The following XKR6 variants were observed in gnomAD, a reference collection of about 807,000 sequenced individuals.
The protein encoded by XKR6 is XK related 6.
Under a neutral mutation model 56.7 loss-of-function variants are expected in XKR6, and 22 were observed. The observed-to-expected ratio is 0.39, with a 90% CI of 0.28 to 0.55. XKR6 has a LOEUF of 0.55. Ranked by LOEUF, XKR6 falls within the 20% of genes least tolerant of loss-of-function variation. XKR6 has a pLI of 0.66. For missense variants in XKR6, 852 were observed against 889.0 expected (o/e 0.96, Z 0.53); for synonymous variants, 524 against 387.8 (o/e 1.35, Z -4.13).
chr8:11,044,409 C>T (rs1028138490), intron 1 of XKR6, among the ~76,000 whole-genome samples: 3 of 152,172 alleles, frequency 2.0e-5, no homozygotes, highest in African/African-American at 7.2e-5. Context: ...TGGTTTTCAA[C>T]CAGTGGTTGC....
At chr8:10,942,017 G>A (rs1801399021) in intron 1 of XKR6, among the ~76,000 whole-genome samples, 1 of 152,168 alleles carries the variant, frequency 6.6e-6, no homozygotes, top group African/African-American at 2.4e-5. Flanking sequence ...GCTTTTCTCT[G>A]AAGCTGATAA....
intron 1 of XKR6, among the ~76,000 whole-genome samples, chr8:10,932,654 C>A: frequency 7.4e-6 from 1 of 135,954 alleles, no homozygotes; most frequent in Non-Finnish European, 1.6e-5. Flanking sequence ...CAATTCCCAC[C>A]TATGAGTGAG....
chr8:11,105,512 G>C (rs1389642687), intron 1 of XKR6: 1 of 152,112 alleles, frequency 6.6e-6, no homozygotes, highest in East Asian at 1.9e-4. Flanking sequence ...TCAAGAAGGG[G>C]GTCTCCCCTC....
At chr8:11,147,508 T>G (rs1196417879) in intron 1 of XKR6, among the ~76,000 whole-genome samples, 1 of 151,718 alleles carries the variant, frequency 6.6e-6, no homozygotes, top group African/African-American at 2.4e-5. Context: ...ATACAAAAAT[T>G]AGCTGGGTGT....
chr8:10,982,295 G>C (rs909264166), intron 1 of XKR6, among the ~76,000 whole-genome samples: 7 of 152,186 alleles, frequency 4.6e-5, no homozygotes, highest in Non-Finnish European at 8.8e-5. Context: ...GAAAGATACG[G>C]TTTCTCAAGA....
intron 1 of XKR6, chr8:11,108,569 A>T: frequency 2.9e-6 from 1 of 340,988 alleles, no homozygotes; most frequent in Non-Finnish European, 5.7e-6. Context: ...AGTGCCTTGG[A>T]CTCTATTTCT....
chr8:10,995,446 A>AAT (rs927799746), intron 1 of XKR6, among the ~76,000 whole-genome samples: 2 of 147,460 alleles, frequency 1.4e-5, no homozygotes, highest in South Asian at 2.1e-4. Flanking sequence ...CCCTATATCT[A>AAT]ATATATATAT....
chr8:11,129,456 C>T (rs893642169), intron 1 of XKR6, among the ~76,000 whole-genome samples: 1 of 152,066 alleles, frequency 6.6e-6, no homozygotes, highest in Non-Finnish European at 1.5e-5. Flanking sequence ...TCACCCTTGG[C>T]TTTAAATGTT....
intron 1 of XKR6, among the ~76,000 whole-genome samples, chr8:11,180,318 T>A (rs1311868085): frequency 2.0e-5 from 3 of 152,192 alleles, no homozygotes; most frequent in Admixed American, 6.5e-5. Context: ...GGGAAATGAC[T>A]GTCCAGGTCA....
At chr8:10,949,529 C>T (rs1159332142) in intron 1 of XKR6, among the ~76,000 whole-genome samples, 1 of 152,234 alleles carries the variant, frequency 6.6e-6, no homozygotes, top group Non-Finnish European at 1.5e-5. Context: ...GAACAGTCAC[C>T]TGAAAAGAGG....
intron 1 of XKR6, among the ~76,000 whole-genome samples, chr8:10,945,770 C>T (rs879279720): frequency 1.3e-5 from 2 of 152,154 alleles, no homozygotes; most frequent in Non-Finnish European, 2.9e-5. Flanking sequence ...GGCAAGGGTA[C>T]GCATAGCCCT....
At chr8:11,077,021 T>C (rs1022635801) in intron 1 of XKR6, among the ~76,000 whole-genome samples, 1 of 151,360 alleles carries the variant, frequency 6.6e-6, no homozygotes, top group African/African-American at 2.4e-5. Context: ...ACAAAAAAAT[T>C]AAAATTAGCT....
chr8:11,016,007 G>C (rs1798611217), intron 1 of XKR6, among the ~76,000 whole-genome samples: 1 of 150,272 alleles, frequency 6.7e-6, no homozygotes, highest in South Asian at 2.1e-4. Flanking sequence ...GCTCGGTTTG[G>C]TCAGCAGACC....
At chr8:11,149,487 T>C (rs1482284011) in intron 1 of XKR6, among the ~76,000 whole-genome samples, 1 of 152,224 alleles carries the variant, frequency 6.6e-6, no homozygotes, top group Admixed American at 6.5e-5. Context: ...ACTTTACATG[T>C]TGTCTACATC....
At chr8:10,994,315 C>T (rs576214181) in intron 1 of XKR6, among the ~76,000 whole-genome samples, 3 of 152,370 alleles carry the variant, frequency 2.0e-5, no homozygotes, top group Non-Finnish European at 1.5e-5. Context: ...GCCAGCTCCC[C>T]CAGCCTGGCT....
At chr8:11,081,732 T>C (rs565207818) in intron 1 of XKR6, among the ~76,000 whole-genome samples, 46 of 152,300 alleles carry the variant, frequency 3.0e-4, no homozygotes, top group African/African-American at 7.7e-4. Context: ...TCTCTGTCAG[T>C]TCAGTGGAGA....
intron 1 of XKR6, among the ~76,000 whole-genome samples, chr8:11,179,378 C>A (rs1802849337): frequency 6.6e-6 from 1 of 152,214 alleles, no homozygotes; most frequent in Admixed American, 6.5e-5. Flanking sequence ...CCTCTACATA[C>A]TTTCAGTCCA....
At chr8:11,134,556 A>G (rs1269879510) in intron 1 of XKR6, among the ~76,000 whole-genome samples, 3 of 152,136 alleles carry the variant, frequency 2.0e-5, no homozygotes, top group Non-Finnish European at 2.9e-5. Context: ...ATTTGTTAAG[A>G]TTTTTAGGAA....
chr8:11,094,721 G>T (rs1798212916), intron 1 of XKR6, among the ~76,000 whole-genome samples: 1 of 152,106 alleles, frequency 6.6e-6, no homozygotes, highest in South Asian at 2.1e-4. Context: ...CAGACCTCTG[G>T]GGTGGCATCA....
Sources: gnomAD v4.1 joint callset for allele counts (sites outside exome capture counted in the v4.1 genomes callset) on GRCh38, gnomAD v4.1.1 for gene constraint, MANE v1.5 for transcripts, NCBI Gene and HGNC (gene_info 2026-07-23, HGNC 2026-07-21) for gene names.